Variants in UNC13C observed in about 807,000 individuals in gnomAD.
UNC13C encodes unc-13 homolog C.
UNC13C carries 174 observed loss-of-function variants against 245.4 expected under a neutral mutation model. The ratio of observed to expected loss-of-function variants is 0.71; its 90% CI spans 0.63 to 0.80. The LOEUF (loss-of-function observed/expected upper bound fraction) is 0.80, where lower values mean the gene tolerates loss of function less well. Ranked by LOEUF, UNC13C falls within the 30% of genes least tolerant of loss-of-function variation. The probability of loss-of-function intolerance (pLI) is 0.00; values close to 1 mark genes in which losing one functional copy is unlikely to be tolerated. For missense variants in UNC13C, 2,829 were observed against 2,602.9 expected, an observed-to-expected ratio of 1.09 and a Z score of -1.89; for synonymous variants, 992 against 895.1, an observed-to-expected ratio of 1.11 and a Z score of -1.93.
chr15:54,265,514 A>G lies in UNC13C; in HGVS notation c.3818+18A>G. On this transcript the variant is annotated intron_variant, in intron 10 of 32. Transcript: ENST00000260323. ...TTTTATTTGTGAGTATATAATGTGA[A>G]ACCTTTACAAATATTAAATTATTTA... 3 of 1,458,474 alleles carry G rather than the reference A, an allele frequency of 2.1e-6. No individual in the cohort carries two copies. The South Asian group carries it at 4.2e-5, about 21-fold the overall frequency. The allele number at this position is 1,458,474 out of a possible 1,614,324, so 90.3% of individuals were successfully genotyped here.
At position 54,015,052 on chromosome 15, in the gene UNC13C, G is replaced by T; in HGVS notation, c.2149G>T (p.Asp717Tyr). The T allele has an allele frequency of 6.2e-7, 1 of 1,613,000 alleles. No individual in the cohort carries two copies. Among genetic ancestry groups the T allele is most frequent in the Non-Finnish European group, 8.5e-7 (1 of 1,179,508 alleles). Residue 717 changes from aspartate (D) to tyrosine (Y), a missense_variant, in exon 2 of 33, where the codon GAT becomes TAT. Asp to Tyr is a radical substitution (Grantham distance 160). Coordinates refer to ENST00000260323, the MANE Select transcript of UNC13C (RefSeq NM_001080534.3). ...DDSESYDLTQ[D>Y]DNSSPCPGLD... is the part of the protein sequence containing the mutation. ...CTCAGAGAGCTACGACTTAACTCAA[G>T]ATGACAATTCTTCTCCATGCCCTGG... is the stretch of plus-strand genomic sequence containing the variant.
Position 54,323,355 on chromosome 15 carries a change from G to A in UNC13C, c.4425+1260G>A, listed in dbSNP as rs946817928. On this transcript the variant is annotated intron_variant, in intron 14 of 32. Coordinates refer to ENST00000260323, the MANE Select transcript of UNC13C (RefSeq NM_001080534.3). Reference sequence around the variant, plus strand: ...TAATGCCAAATCAAATAAAATGCCAGTAAAGGAGACTACTCTTTGGGTTAG... The same window carrying A: ...TAATGCCAAATCAAATAAAATGCCAATAAAGGAGACTACTCTTTGGGTTAG... Among the ~76,000 whole-genome samples the A allele has an allele frequency of 1.1e-4, 16 of 152,006 alleles. 2 individuals carry two copies. Among genetic ancestry groups the A allele is most frequent in the Admixed American group, 9.9e-4 (15 of 15,228 alleles).
At chr15:54,002,379 T>C (rs76633603) in intron 1 of UNC13C, among the ~76,000 whole-genome samples, 3 of 148,512 alleles carry the variant, frequency 2.0e-5, no homozygotes, top group Admixed American at 2.0e-4. Flanking sequence ...TGAGTCTAGC[T>C]TTTTTTTTTC....
intron 18 of UNC13C, among the ~76,000 whole-genome samples, chr15:54,412,556 A>G (rs561444330): frequency 1.4e-4 from 21 of 152,336 alleles, no homozygotes; most frequent in Middle Eastern, 3.4e-3. Flanking sequence ...ATCAGATGCT[A>G]TTATAAATGA....
At chr15:53,987,507 G>C (rs1341619484) in intron 1 of UNC13C, among the ~76,000 whole-genome samples, 4 of 151,608 alleles carry the variant, frequency 2.6e-5, no homozygotes, top group Non-Finnish European at 4.4e-5. Flanking sequence ...TAGAACATCA[G>C]TTCTAAACAT....
At position 54,415,080 on chromosome 15, in the gene UNC13C, A is replaced by G. The variant is rs2040491860; in HGVS notation, c.4933+13A>G. The G allele has an allele frequency of 6.4e-7, 1 of 1,554,138 alleles. No homozygotes were observed. Among genetic ancestry groups the G allele is most frequent in the Non-Finnish European group, 8.8e-7 (1 of 1,133,508 alleles). ...TATGCATTAGAAGGTAATTATAAAT[A>G]TTTATACTTATTCGAATACATGTTA... On this transcript the variant is annotated intron_variant, in intron 19 of 32. Coordinates refer to ENST00000260323, the MANE Select transcript of UNC13C (RefSeq NM_001080534.3).
At chr15:54,632,336 A>C (rs1464457938), downstream of UNC13C, 1 of 152,202 alleles carries the variant, frequency 6.6e-6, no homozygotes, top group Non-Finnish European at 1.5e-5. Flanking sequence ...CACTTCCATC[A>C]AGTCGAATTT....
chr15:54,420,560 G>T (rs2040619782), intron 19 of UNC13C, among the ~76,000 whole-genome samples: 1 of 151,954 alleles, frequency 6.6e-6, no homozygotes, highest in Non-Finnish European at 1.5e-5. Flanking sequence ...CATCTTGAAG[G>T]CTGGCTAGCA....
the UNC13C span, among the ~76,000 whole-genome samples, chr15:53,938,448 A>G: frequency 6.6e-6 from 1 of 152,184 alleles, no homozygotes; most frequent in Non-Finnish European, 1.5e-5. Flanking sequence ...TAGACAGATC[A>G]TTGAGACAGA....
chr15:53,905,399 TACACACAC>T, the UNC13C span, among the ~76,000 whole-genome samples: 294 of 123,588 alleles, frequency 2.4e-3, 2 homozygotes, highest in African/African-American at 7.5e-3. Context: ...TATTACTTTA[TACACACAC>T]ACACACACAC....
At chr15:54,018,580 C>T (rs1435378947) in intron 2 of UNC13C, among the ~76,000 whole-genome samples, 1 of 152,090 alleles carries the variant, frequency 6.6e-6, no homozygotes, top group African/African-American at 2.4e-5. Flanking sequence ...TCAAATTCTT[C>T]CATTGTTGCT....
At chr15:54,446,822 A>G (rs1890842522) in intron 19 of UNC13C, among the ~76,000 whole-genome samples, 1 of 152,152 alleles carries the variant, frequency 6.6e-6, no homozygotes, top group Non-Finnish European at 1.5e-5. Context: ...AACTTCCAAC[A>G]CTATGTTGAA....
intron 2 of UNC13C, among the ~76,000 whole-genome samples, chr15:54,121,221 C>T (rs1440647254): frequency 6.6e-6 from 1 of 152,130 alleles, no homozygotes; most frequent in Non-Finnish European, 1.5e-5. Context: ...GCCACAGTCA[C>T]CTCACACTTC....
chr15:54,484,833 A>C (rs1387504148), intron 19 of UNC13C, among the ~76,000 whole-genome samples: 1 of 152,216 alleles, frequency 6.6e-6, no homozygotes, highest in African/African-American at 2.4e-5. Context: ...GTTACATTTA[A>C]ATAAGTAATG....
intron 2 of UNC13C, among the ~76,000 whole-genome samples, chr15:54,095,325 G>A (rs1899798549): frequency 6.6e-6 from 1 of 152,180 alleles, no homozygotes; most frequent in South Asian, 2.1e-4. Context: ...AGATCGGGTT[G>A]TAGTGGGGTA....
intron 19 of UNC13C, among the ~76,000 whole-genome samples, chr15:54,457,295 GT>G (rs1891584751): frequency 6.6e-6 from 1 of 151,948 alleles, no homozygotes; most frequent in Admixed American, 6.6e-5. Context: ...TTTTGTTAAG[GT>G]TTTTTGCATT....
intron 25 of UNC13C, among the ~76,000 whole-genome samples, chr15:54,530,663 C>T (rs1039672017): frequency 1.3e-5 from 2 of 152,024 alleles, no homozygotes; most frequent in African/African-American, 2.4e-5. Context: ...TTGATATATG[C>T]CTGAAATTAA....
intron 30 of UNC13C, among the ~76,000 whole-genome samples, chr15:54,593,530 T>C (rs1456841261): frequency 1.3e-5 from 2 of 152,166 alleles, no homozygotes; most frequent in Non-Finnish European, 2.9e-5. Context: ...CATTTTCTTA[T>C]TCTTTTTGTC....
At chr15:54,440,806 C>A (rs1445841023) in intron 19 of UNC13C, among the ~76,000 whole-genome samples, 2 of 152,010 alleles carry the variant, frequency 1.3e-5, no homozygotes, top group African/African-American at 2.4e-5. Flanking sequence ...TTCTCTGTAA[C>A]CCTGCCAGCA....
Sources: allele counts gnomAD v4.1 joint callset (sites outside exome capture counted in the v4.1 genomes callset), GRCh38; gene constraint gnomAD v4.1.1; transcripts MANE v1.5; gene names NCBI Gene and HGNC (gene_info 2026-07-23, HGNC 2026-07-21).